The following MAF variants were observed in gnomAD, a reference collection of about 807,000 sequenced individuals.
MAF encodes MAF bZIP transcription factor.
Under a neutral mutation model 22.0 loss-of-function variants are expected in MAF, and 10 were observed. The observed-to-expected ratio is 0.45, with a 90% CI of 0.28 to 0.77. The LOEUF is 0.77. Ranked by LOEUF, MAF falls within the 30% of genes least tolerant of loss-of-function variation. The pLI is 0.12. For synonymous variants in MAF, 337 were observed against 255.8 expected, an observed-to-expected ratio of 1.32 and a Z score of -3.03; for missense variants, 544 against 548.4, an observed-to-expected ratio of 0.99 and a Z score of 0.08.
At chr16:79,369,172 A>G in the MAF span, among the ~76,000 whole-genome samples, 1 of 152,214 alleles carries the variant, frequency 6.6e-6, no homozygotes, top group Non-Finnish European at 1.5e-5. Context: ...GAAGTTAGAG[A>G]AGTTAGTTGC....
the MAF span, among the ~76,000 whole-genome samples, chr16:79,334,026 C>G: frequency 0.012 from 1,763 of 152,344 alleles, 24 homozygotes; most frequent in African/African-American, 0.039. Flanking sequence ...GTCTGAATGA[C>G]TTATTCCTAA....
downstream of MAF, among the ~76,000 whole-genome samples, chr16:79,585,269 T>G (rs1479268261): frequency 6.6e-6 from 1 of 152,218 alleles, no homozygotes; most frequent in African/African-American, 2.4e-5. Flanking sequence ...ATCAGGTTTC[T>G]GCTTCCCACC....
the MAF span, among the ~76,000 whole-genome samples, chr16:79,505,092 C>T: frequency 6.6e-6 from 1 of 152,136 alleles, no homozygotes; most frequent in Non-Finnish European, 1.5e-5. Flanking sequence ...TTTTCAAACA[C>T]AGATCTTACC....
At chr16:79,425,664 T>TA in the MAF span, among the ~76,000 whole-genome samples, 1 of 18,762 alleles carries the variant, frequency 5.3e-5, no homozygotes, top group Non-Finnish European at 7.7e-5. Context: ...TCAATTTAGA[T>TA]TTTTTTTTTT....
At chr16:79,461,060 T>G in the MAF span, among the ~76,000 whole-genome samples, 8 of 152,220 alleles carry the variant, frequency 5.3e-5, no homozygotes, top group Non-Finnish European at 1.2e-4. Flanking sequence ...TGTGAACTTT[T>G]TGAACTTTTG....
chr16:79,330,124 G>A, the MAF span, among the ~76,000 whole-genome samples: 1 of 152,170 alleles, frequency 6.6e-6, no homozygotes, highest in South Asian at 2.1e-4. Flanking sequence ...AGTATGGGCT[G>A]CAAAGGCTCT....
the MAF span, among the ~76,000 whole-genome samples, chr16:79,482,145 A>G: frequency 2.0e-5 from 3 of 152,228 alleles, no homozygotes; most frequent in South Asian, 2.1e-4. Flanking sequence ...AAGAGACTCA[A>G]CTGACTTCAG....
chr16:79,448,339 A>G, the MAF span, among the ~76,000 whole-genome samples: 1 of 152,156 alleles, frequency 6.6e-6, no homozygotes, highest in African/African-American at 2.4e-5. Context: ...CATCCCAAAA[A>G]AGATTGTGAC....
At chr16:79,406,256 G>A in the MAF span, among the ~76,000 whole-genome samples, 2 of 152,184 alleles carry the variant, frequency 1.3e-5, no homozygotes, top group African/African-American at 4.8e-5. Flanking sequence ...GTCTGTTTCA[G>A]GCAGTAGCCA....
chr16:79,213,786 A>C, the MAF span, among the ~76,000 whole-genome samples: 72,727 of 151,722 alleles, frequency 0.48, 19,764 homozygotes, highest in Non-Finnish European at 0.63. Context: ...ACTCACAGCA[A>C]TGCAAAAGAT....
the MAF span, among the ~76,000 whole-genome samples, chr16:79,437,853 C>T: frequency 4.0e-4 from 61 of 152,318 alleles, 1 homozygote; most frequent in Non-Finnish European, 8.4e-4. Flanking sequence ...GGGGTTCCCA[C>T]ATGCTGAGAC....
chr16:79,209,524 C>G, the MAF span, among the ~76,000 whole-genome samples: 1 of 152,100 alleles, frequency 6.6e-6, no homozygotes, highest in African/African-American at 2.4e-5. Context: ...GGGCGGGAGG[C>G]TGGACTTGAA....
the MAF span, among the ~76,000 whole-genome samples, chr16:79,272,133 G>C: frequency 1.3e-5 from 2 of 152,194 alleles, no homozygotes; most frequent in East Asian, 3.9e-4. Flanking sequence ...GCAGGCGGGG[G>C]CCCCCACCAG....
the MAF span, among the ~76,000 whole-genome samples, chr16:79,242,414 TA>T: frequency 6.9e-6 from 1 of 144,900 alleles, no homozygotes; most frequent in Non-Finnish European, 1.5e-5. Flanking sequence ...TAGTCTCTGA[TA>T]AAAAAAGACT....
At chr16:79,596,507 G>C (rs937938689) in intron 1 of MAF, 5 of 1,049,900 alleles carry the variant, frequency 4.8e-6, no homozygotes, top group Non-Finnish European at 5.8e-6. Flanking sequence ...TATTATTGTA[G>C]ATTATTCTTT....
chr16:79,510,588 C>A, the MAF span, among the ~76,000 whole-genome samples: 2 of 152,098 alleles, frequency 1.3e-5, no homozygotes, highest in African/African-American at 4.8e-5. Context: ...ATCAAAGGGA[C>A]AATGGAAAGC....
At chr16:79,205,911 T>C in the MAF span, 1 of 152,184 alleles carries the variant, frequency 6.6e-6, no homozygotes, top group African/African-American at 2.4e-5. Flanking sequence ...TTGTGTCCAC[T>C]TCACTTGTAT....
At chr16:79,588,502 T>A (rs1425658403) in intron 1 of MAF, among the ~76,000 whole-genome samples, 2 of 152,162 alleles carry the variant, frequency 1.3e-5, no homozygotes, top group South Asian at 4.1e-4. Context: ...TGGCGCAATC[T>A]GGGCTTACTG....
At chr16:79,290,641 G>C in the MAF span, among the ~76,000 whole-genome samples, 1 of 152,174 alleles carries the variant, frequency 6.6e-6, no homozygotes, top group Non-Finnish European at 1.5e-5. Flanking sequence ...ACATGGAGCA[G>C]ATCATCCTGT....
Sources: gnomAD v4.1 joint callset for allele counts (sites outside exome capture counted in the v4.1 genomes callset) on GRCh38, gnomAD v4.1.1 for gene constraint, MANE v1.5 for transcripts, NCBI Gene and HGNC (gene_info 2026-07-23, HGNC 2026-07-21) for gene names.